Variants in RNF13 observed in about 807,000 individuals in gnomAD.
The protein encoded by RNF13 is ring finger protein 13.
RNF13 carries 19 observed loss-of-function variants against 37.7 expected under a neutral mutation model. The observed-to-expected ratio is 0.50, with a 90% CI of 0.35 to 0.74. The LOEUF is 0.74. Ranked by LOEUF, RNF13 falls within the 30% of genes least tolerant of loss-of-function variation. RNF13 has a pLI of 0.01. For missense variants in RNF13, 375 were observed against 453.0 expected (o/e 0.83, Z 1.56); for synonymous variants, 144 against 157.8 (o/e 0.91, Z 0.65).
chr3:149,869,140 A>G (rs1270238681), intron 3 of RNF13, among the ~76,000 whole-genome samples: 1 of 151,240 alleles, frequency 6.6e-6, no homozygotes, highest in Non-Finnish European at 1.5e-5. Context: ...CCTTTAATGA[A>G]TTTTTCAGGT....
chr3:149,822,540 A>C (rs1482890259), intron 1 of RNF13: 1 of 152,162 alleles, frequency 6.6e-6, no homozygotes, highest in Non-Finnish European at 1.5e-5. Flanking sequence ...GGTAAATAAG[A>C]AAGTGGAAAG....
chr3:149,876,818 G>T (rs991315240), intron 4 of RNF13, among the ~76,000 whole-genome samples: 12 of 90,666 alleles, frequency 1.3e-4, no homozygotes, highest in African/African-American at 5.6e-4. Flanking sequence ...TGCTCTTGTT[G>T]CCCAGGCTGG....
chr3:149,860,270 AATATATATATATATAT>A (rs1186058605), intron 3 of RNF13, among the ~76,000 whole-genome samples: 1 of 104,116 alleles, frequency 9.6e-6, no homozygotes, highest in Non-Finnish European at 1.8e-5. Context: ...AAAAAAAAAA[AATATATATATATATAT>A]ATATATATAT....
In RNF13 at chr3:149,949,728, CTTTT is replaced by C. The variant is rs796954637; in HGVS notation, c.701-10318_701-10315del. ...CAGATTCTCTTCATTTTCCTTCATTCTTTTTTTTTTTTTCTTCTCTTCATTTCTT... is the reference window on the plus strand; with the variant it reads ...CAGATTCTCTTCATTTTCCTTCATTCTTTTTTTTTCTTCTCTTCATTTCTT... On this transcript the variant is annotated intron_variant, in intron 8 of 9. Coordinates refer to ENST00000392894, the MANE Select transcript of RNF13 (RefSeq NM_183381.3). Among the ~76,000 whole-genome samples the C allele has an allele frequency of 8.3e-4, 118 of 142,944 alleles. 1 individual carries two copies. The highest frequency in any genetic ancestry group is 2.8e-3 in the African/African-American group (109 of 39,322). 93.8% of individuals were successfully genotyped at this position (142,944 alleles called of 152,430 possible). A position where few individuals can be genotyped will look rare whatever the true frequency, so the allele number is the denominator to read the frequency against.
intron 1 of RNF13, among the ~76,000 whole-genome samples, chr3:149,821,569 C>T (rs1472205584): frequency 2.6e-5 from 4 of 151,802 alleles, no homozygotes; most frequent in Non-Finnish European, 5.9e-5. Context: ...CTAGACTGTT[C>T]ATTATCAAAT....
intron 8 of RNF13, among the ~76,000 whole-genome samples, chr3:149,951,507 A>G (rs1721334925): frequency 6.6e-6 from 1 of 152,206 alleles, no homozygotes; most frequent in Non-Finnish European, 1.5e-5. Flanking sequence ...TTGGTGCTAT[A>G]GGTTGATTTG....
chr3:149,916,836 C>T (rs746857569), intron 7 of RNF13, among the ~76,000 whole-genome samples: 17 of 151,988 alleles, frequency 1.1e-4, no homozygotes, highest in Non-Finnish European at 2.2e-4. Flanking sequence ...TCAAGAACAG[C>T]GGGTTGTATG....
At chr3:149,919,401 CT>C (rs1186346529) in intron 7 of RNF13, among the ~76,000 whole-genome samples, 1 of 152,140 alleles carries the variant, frequency 6.6e-6, no homozygotes, top group African/African-American at 2.4e-5. Context: ...TCATCCTCCC[CT>C]CACTACCCTT....
At position 149,915,840 on chromosome 3, in the gene RNF13, G is replaced by A. The variant is rs922984937; in HGVS notation, c.606+3757G>A. On this transcript the variant is annotated intron_variant, in intron 7 of 9. Transcript: ENST00000392894. ...AATGGTGGTTGCCAGGGACTGAGGG[G>A]ACTGAGGAAGGGGGAGTTATTGTTT... 2.0e-5 allele frequency among the ~76,000 whole-genome samples: 3 copies of A among 152,274 alleles called. No homozygotes were observed. The South Asian group carries it at 6.2e-4, about 32-fold the overall frequency.
At chr3:149,844,844 A>G (rs1386614439) in intron 1 of RNF13, among the ~76,000 whole-genome samples, 1 of 152,188 alleles carries the variant, frequency 6.6e-6, no homozygotes, top group East Asian at 1.9e-4. Context: ...TAGTATATTT[A>G]TAGAGTTGTG....
intron 8 of RNF13, among the ~76,000 whole-genome samples, chr3:149,953,735 G>A (rs897558772): frequency 3.3e-5 from 5 of 152,172 alleles, no homozygotes; most frequent in African/African-American, 1.2e-4. Context: ...TTTATTGGCT[G>A]TGTGACCTTG....
At chr3:149,957,575 A>G (rs1432515862) in intron 8 of RNF13, among the ~76,000 whole-genome samples, 2 of 152,184 alleles carry the variant, frequency 1.3e-5, no homozygotes, top group Non-Finnish European at 2.9e-5. Flanking sequence ...GCAGCTGATC[A>G]TCTGTTGGGA....
intron 3 of RNF13, among the ~76,000 whole-genome samples, chr3:149,860,256 T>TAAAAAAAAAAAAAAA (rs764889596): frequency 2.2e-4 from 13 of 57,800 alleles, no homozygotes; most frequent in African/African-American, 4.6e-4. Flanking sequence ...AGACTCCATC[T>TAAAAAAAAAAAAAAA]AAAAAAAAAA....
chr3:149,871,741 G>A (rs981051960), intron 3 of RNF13, among the ~76,000 whole-genome samples: 8 of 152,024 alleles, frequency 5.3e-5, no homozygotes, highest in African/African-American at 1.7e-4. Flanking sequence ...AATATTGTTC[G>A]AAAATATACC....
chr3:149,835,388 G>A (rs879335000), intron 1 of RNF13, among the ~76,000 whole-genome samples: 9 of 152,004 alleles, frequency 5.9e-5, no homozygotes, highest in Non-Finnish European at 1.2e-4. Flanking sequence ...AGATTTTGGT[G>A]CATCCATCAC....
intron 2 of RNF13, among the ~76,000 whole-genome samples, chr3:149,848,273 T>C (rs1319253030): frequency 1.3e-5 from 2 of 152,182 alleles, no homozygotes; most frequent in Non-Finnish European, 2.9e-5. Flanking sequence ...TTTACACAGG[T>C]ACTTGTGGAA....
chr3:149,842,167 C>T (rs1212225699), intron 1 of RNF13, among the ~76,000 whole-genome samples: 3 of 152,096 alleles, frequency 2.0e-5, no homozygotes, highest in Non-Finnish European at 2.9e-5. Flanking sequence ...ATTAAGAGCA[C>T]TTCAATTATT....
At chr3:149,823,641 C>T (rs1353918614) in intron 1 of RNF13, among the ~76,000 whole-genome samples, 2 of 152,022 alleles carry the variant, frequency 1.3e-5, no homozygotes, top group African/African-American at 4.8e-5. Flanking sequence ...TAGACAAAGT[C>T]ATGTGTCAGC....
chr3:149,943,079 T>C (rs79906968), intron 8 of RNF13, among the ~76,000 whole-genome samples: 1 of 152,148 alleles, frequency 6.6e-6, no homozygotes, highest in Non-Finnish European at 1.5e-5. Context: ...TTGAATTCAG[T>C]TTACTAGTAT....
Sources: gnomAD v4.1 joint callset for allele counts (sites outside exome capture counted in the v4.1 genomes callset) on GRCh38, gnomAD v4.1.1 for gene constraint, MANE v1.5 for transcripts, NCBI Gene and HGNC (gene_info 2026-07-23, HGNC 2026-07-21) for gene names.